NXPH1: variants seen among roughly 807,000 people sequenced by gnomAD.
NXPH1 encodes neurexophilin 1, also known as neurexophilin-1.
NXPH1 carries 5 observed loss-of-function variants against 23.7 expected under a neutral mutation model. The ratio of observed to expected loss-of-function variants is 0.21; its 90% CI spans 0.11 to 0.44. The LOEUF (loss-of-function observed/expected upper bound fraction) is 0.44. Ranked by LOEUF, NXPH1 falls within the 20% of genes least tolerant of loss-of-function variation. The probability of loss-of-function intolerance (pLI) is 0.99; values close to 1 mark genes in which losing one functional copy is unlikely to be tolerated. For synonymous variants in NXPH1, 144 were observed against 122.2 expected (o/e 1.18, Z -1.18); for missense variants, 324 against 321.6 (o/e 1.01, Z -0.06).
At chr7:8,579,650 G>A (rs775112272) in intron 2 of NXPH1, among the ~76,000 whole-genome samples, 1 of 152,166 alleles carries the variant, frequency 6.6e-6, no homozygotes, top group Non-Finnish European at 1.5e-5. Flanking sequence ...GGGATTATAG[G>A]CGTGAGCCAC....
intron 2 of NXPH1, among the ~76,000 whole-genome samples, chr7:8,446,445 C>T (rs573501833): frequency 6.6e-6 from 1 of 152,264 alleles, no homozygotes; most frequent in East Asian, 1.9e-4. Flanking sequence ...GCCTGTCTAA[C>T]ATTGCTTTAT....
At chr7:8,469,995 C>G (rs149311376) in intron 2 of NXPH1, among the ~76,000 whole-genome samples, 65 of 152,304 alleles carry the variant, frequency 4.3e-4, no homozygotes, top group African/African-American at 1.5e-3. Context: ...TTCTACTAAA[C>G]TGACCTCCAA....
At chr7:8,523,061 A>C (rs1299060156) in intron 2 of NXPH1, among the ~76,000 whole-genome samples, 4 of 152,218 alleles carry the variant, frequency 2.6e-5, no homozygotes, top group Non-Finnish European at 4.4e-5. Context: ...TAGTTGTGAG[A>C]ATGCTAAGAG....
At chr7:8,645,084 A>G (rs1562440889) in intron 2 of NXPH1, among the ~76,000 whole-genome samples, 1 of 152,174 alleles carries the variant, frequency 6.6e-6, no homozygotes, top group Non-Finnish European at 1.5e-5. Flanking sequence ...TTGTTGGTAA[A>G]CATCTGAGTG....
chr7:8,745,169 C>T (rs1430869867), intron 2 of NXPH1, among the ~76,000 whole-genome samples: 1 of 152,218 alleles, frequency 6.6e-6, no homozygotes, highest in Non-Finnish European at 1.5e-5. Context: ...CCCTGGCGTT[C>T]AGCAGTAAGA....
At chr7:8,503,216 G>A (rs1213446866) in intron 2 of NXPH1, among the ~76,000 whole-genome samples, 1 of 151,956 alleles carries the variant, frequency 6.6e-6, no homozygotes, top group East Asian at 1.9e-4. Flanking sequence ...TGTGAAATAG[G>A]TACTATTATT....
At chr7:8,739,605 G>T (rs1780326829) in intron 2 of NXPH1, among the ~76,000 whole-genome samples, 2 of 152,096 alleles carry the variant, frequency 1.3e-5, no homozygotes, top group South Asian at 2.1e-4. Context: ...CATCTTGCCA[G>T]TCACCTATTT....
intron 2 of NXPH1, among the ~76,000 whole-genome samples, chr7:8,604,354 C>T (rs1421927672): frequency 1.3e-5 from 2 of 152,270 alleles, no homozygotes; most frequent in African/African-American, 2.4e-5. Flanking sequence ...GTACCCAACA[C>T]TGAATGTACT....
intron 2 of NXPH1, among the ~76,000 whole-genome samples, chr7:8,539,211 C>A (rs886907563): frequency 6.6e-6 from 1 of 151,852 alleles, no homozygotes; most frequent in South Asian, 2.1e-4. Flanking sequence ...CAGCTAAATT[C>A]TCATCTAAAT....
intron 2 of NXPH1, among the ~76,000 whole-genome samples, chr7:8,514,903 T>G (rs552061058): frequency 4.0e-4 from 61 of 152,208 alleles, no homozygotes; most frequent in African/African-American, 1.4e-3. Flanking sequence ...TGTCTTAGTT[T>G]CCAAATGTTT....
intron 2 of NXPH1, among the ~76,000 whole-genome samples, chr7:8,724,959 A>G (rs1780025041): frequency 6.6e-6 from 1 of 152,266 alleles, no homozygotes; most frequent in South Asian, 2.1e-4. Flanking sequence ...GCTTGTGGAC[A>G]GCAGCAGCAT....
chr7:8,633,916 T>C (rs1045959766), intron 2 of NXPH1, among the ~76,000 whole-genome samples: 6 of 152,190 alleles, frequency 3.9e-5, no homozygotes, highest in Non-Finnish European at 1.5e-5. Context: ...GTCCAGGTTA[T>C]ATGCTGGGCC....
chr7:8,512,151 A>G (rs1257655849), intron 2 of NXPH1, among the ~76,000 whole-genome samples: 1 of 152,152 alleles, frequency 6.6e-6, no homozygotes, highest in East Asian at 1.9e-4. Context: ...GCTCCTCTCC[A>G]AATACAGCAT....
intron 2 of NXPH1, among the ~76,000 whole-genome samples, chr7:8,573,717 T>G (rs1420720871): frequency 1.3e-5 from 2 of 152,148 alleles, no homozygotes; most frequent in African/African-American, 4.8e-5. Context: ...AGAACTTTCT[T>G]CCAGTTAATT....
chr7:8,715,148 C>A (rs1457950796), intron 2 of NXPH1, among the ~76,000 whole-genome samples: 1 of 152,176 alleles, frequency 6.6e-6, no homozygotes, highest in Non-Finnish European at 1.5e-5. Context: ...TCCCCTCTGG[C>A]TATGGCTGGT....
intron 2 of NXPH1, among the ~76,000 whole-genome samples, chr7:8,730,331 T>C (rs1780128799): frequency 1.4e-5 from 2 of 147,926 alleles, no homozygotes; most frequent in Admixed American, 6.8e-5. Context: ...GAGCATTTAG[T>C]CCATTTACAT....
chr7:8,464,002 A>G (rs1473824872), intron 2 of NXPH1, among the ~76,000 whole-genome samples: 1 of 152,116 alleles, frequency 6.6e-6, no homozygotes, highest in Non-Finnish European at 1.5e-5. Flanking sequence ...ATATGTTCCC[A>G]GAGACGTCTC....
At chr7:8,532,471 G>A (rs550366659) in intron 2 of NXPH1, among the ~76,000 whole-genome samples, 6 of 147,174 alleles carry the variant, frequency 4.1e-5, no homozygotes, top group African/African-American at 5.1e-5. Context: ...TTTTTTTTGG[G>A]GGGGGGGGAG....
rs181224317 is a variant in NXPH1 at position 8,742,478 on chromosome 7, A to C, written c.55-8530A>C. On this transcript the variant is annotated intron_variant, in intron 2 of 2. Coordinates refer to ENST00000405863, the MANE Select transcript of NXPH1 (RefSeq NM_152745.3). ...TCTAACTATACTTAAGTTTAAAATA[A>C]AGGTGATGTGCATTGTAGAATGTTT... Among the ~76,000 whole-genome samples, 76 of 152,296 alleles carry C rather than the reference A, an allele frequency of 5.0e-4. No homozygotes were observed. The Middle Eastern group carries it at 0.017, about 34-fold the overall frequency.
Sources: allele counts gnomAD v4.1 joint callset (sites outside exome capture counted in the v4.1 genomes callset), GRCh38; gene constraint gnomAD v4.1.1; transcripts MANE v1.5; gene names NCBI Gene and HGNC (gene_info 2026-07-23, HGNC 2026-07-21).